The following ROBO2 variants were observed in gnomAD, a reference collection of about 807,000 sequenced individuals.
ROBO2 encodes roundabout guidance receptor 2.
In ROBO2, 53 loss-of-function variants were observed where a neutral mutation model predicts 160.8. The observed-to-expected ratio is 0.33, with a 90% confidence interval of 0.26 to 0.41. The LOEUF is 0.41. ROBO2 is among the 10% of genes least tolerant of loss of function. The pLI is 1.00. For missense variants in ROBO2, 1,577 were observed against 1,722.4 expected (o/e 0.92, Z 1.49); for synonymous variants, 664 against 611.7 (o/e 1.09, Z -1.26).
At chr3:76,455,000 A>C (rs752010052) in intron 2 of ROBO2, among the ~76,000 whole-genome samples, 25 of 152,160 alleles carry the variant, frequency 1.6e-4, no homozygotes, top group Non-Finnish European at 2.6e-4. Context: ...TTGGTATAAA[A>C]AGGAAAAAAA....
intron 2 of ROBO2, among the ~76,000 whole-genome samples, chr3:76,201,648 G>T (rs35284125): frequency 0.011 from 1,670 of 152,082 alleles, 38 homozygotes; most frequent in African/African-American, 0.038. Flanking sequence ...TATATTATTG[G>T]AATTTAGATT....
At chr3:76,410,625 T>A (rs1481192603) in intron 2 of ROBO2, among the ~76,000 whole-genome samples, 1 of 152,186 alleles carries the variant, frequency 6.6e-6, no homozygotes, top group African/African-American at 2.4e-5. Flanking sequence ...TACTTTTTAG[T>A]TTATTATTTG....
chr3:76,980,143 T>A (rs1386911593), intron 2 of ROBO2, among the ~76,000 whole-genome samples: 2 of 152,160 alleles, frequency 1.3e-5, no homozygotes, highest in Non-Finnish European at 2.9e-5. Context: ...TGGAGGACTA[T>A]CTTATTCCAT....
At chr3:76,589,998 A>G (rs1280155558) in intron 2 of ROBO2, among the ~76,000 whole-genome samples, 1 of 152,208 alleles carries the variant, frequency 6.6e-6, no homozygotes, top group Non-Finnish European at 1.5e-5. Flanking sequence ...TATGTTCCGG[A>G]TAATGAAAAA....
intron 2 of ROBO2, among the ~76,000 whole-genome samples, chr3:77,449,764 T>A (rs1180487836): frequency 2.6e-5 from 4 of 152,084 alleles, no homozygotes; most frequent in Non-Finnish European, 5.9e-5. Flanking sequence ...TATAAAATTA[T>A]TCAAGTGAAA....
intron 1 of ROBO2, among the ~76,000 whole-genome samples, chr3:75,911,849 C>T (rs1156865446): frequency 1.3e-5 from 2 of 152,126 alleles, no homozygotes; most frequent in Admixed American, 1.3e-4. Flanking sequence ...AGCCACCGCG[C>T]CCTGCCGAAG....
chr3:76,489,127 G>A (rs2079666496), intron 2 of ROBO2, among the ~76,000 whole-genome samples: 2 of 125,442 alleles, frequency 1.6e-5, no homozygotes, highest in African/African-American at 5.7e-5. Context: ...CTGATGATTA[G>A]AACACTGGTA....
At chr3:77,244,458 A>C (rs1269872348) in intron 2 of ROBO2, among the ~76,000 whole-genome samples, 2 of 152,218 alleles carry the variant, frequency 1.3e-5, no homozygotes, top group Non-Finnish European at 2.9e-5. Context: ...GGGATCCATA[A>C]ATATCATTGG....
At chr3:75,969,198 AT>A (rs1185721911) in intron 2 of ROBO2, among the ~76,000 whole-genome samples, 1 of 149,508 alleles carries the variant, frequency 6.7e-6, no homozygotes, top group African/African-American at 2.4e-5. Flanking sequence ...ATAATATATT[AT>A]AACTATACAT....
intron 2 of ROBO2, among the ~76,000 whole-genome samples, chr3:77,159,648 C>CTT (rs1050924090): frequency 6.6e-6 from 1 of 152,114 alleles, no homozygotes; most frequent in Non-Finnish European, 1.5e-5. Flanking sequence ...ATTAAAAGCT[C>CTT]TGTCAAAAGA....
chr3:76,766,182 T>C (rs935789204), intron 2 of ROBO2, among the ~76,000 whole-genome samples: 2 of 151,684 alleles, frequency 1.3e-5, no homozygotes, highest in Non-Finnish European at 3.0e-5. Context: ...AGACTTACTA[T>C]GGGTTCTGTA....
intron 2 of ROBO2, among the ~76,000 whole-genome samples, chr3:76,276,284 T>C (rs1447809171): frequency 6.6e-6 from 1 of 152,088 alleles, no homozygotes; most frequent in Non-Finnish European, 1.5e-5. Context: ...GTTTCTGTTC[T>C]AATATCTATC....
intron 2 of ROBO2, among the ~76,000 whole-genome samples, chr3:77,102,854 A>G (rs932397784): frequency 5.3e-5 from 8 of 151,814 alleles, no homozygotes; most frequent in African/African-American, 1.9e-4. Context: ...GTTTGCAAAA[A>G]AAAAAAAAAA....
At chr3:76,954,816 G>T (rs1360608884) in intron 2 of ROBO2, among the ~76,000 whole-genome samples, 1 of 152,104 alleles carries the variant, frequency 6.6e-6, no homozygotes, top group Admixed American at 6.5e-5. Flanking sequence ...CTTAGCCTTT[G>T]CAATAAAGTC....
intron 9 of ROBO2, among the ~76,000 whole-genome samples, 166 bp downstream of exon 10, chr3:77,558,315 G>A (rs541792329): frequency 6.6e-6 from 1 of 152,112 alleles, no homozygotes; most frequent in South Asian, 2.1e-4. Flanking sequence ...GAAATTAGAG[G>A]AAAGGTCACA....
At chr3:75,963,911 A>C (rs558548186) in intron 2 of ROBO2, among the ~76,000 whole-genome samples, 1 of 151,906 alleles carries the variant, frequency 6.6e-6, no homozygotes, top group East Asian at 2.0e-4. Flanking sequence ...TTATCGGATT[A>C]GGACCCACCC....
At chr3:76,482,794 C>T (rs949135733) in intron 2 of ROBO2, among the ~76,000 whole-genome samples, 38 of 152,026 alleles carry the variant, frequency 2.5e-4, no homozygotes, top group African/African-American at 9.2e-4. Flanking sequence ...CTTTAATCAG[C>T]GTAGTGCCTT....
chr3:76,404,652 G>GA (rs1245739210), intron 2 of ROBO2, among the ~76,000 whole-genome samples: 2 of 143,092 alleles, frequency 1.4e-5, no homozygotes, highest in Non-Finnish European at 3.1e-5. Context: ...TTGAGGGAAT[G>GA]TAAAAAATGA....
intron 1 of ROBO2, among the ~76,000 whole-genome samples, chr3:75,926,721 A>G (rs538132413): frequency 3.3e-5 from 5 of 152,306 alleles, no homozygotes; most frequent in African/African-American, 9.6e-5. Context: ...GAATTCAGCA[A>G]AAGTAACAGT....
Sources: allele counts gnomAD v4.1 joint callset (sites outside exome capture counted in the v4.1 genomes callset), GRCh38; gene constraint gnomAD v4.1.1; transcripts MANE v1.5; gene names NCBI Gene and HGNC (gene_info 2026-07-23, HGNC 2026-07-21).